The following C1orf159 variants were observed in gnomAD, a reference collection of about 807,000 sequenced individuals.
The protein encoded by C1orf159 is uncharacterized protein C1orf159.
C1orf159 carries 19 observed loss-of-function variants against 25.6 expected under a neutral mutation model. The observed-to-expected ratio is 0.74, with a 90% CI of 0.52 to 1.09. The LOEUF is 1.09. C1orf159 is among the 50% of genes least tolerant of loss of function. The pLI is 0.00. For missense variants in C1orf159, 274 were observed against 290.6 expected, an observed-to-expected ratio of 0.94 and a Z score of 0.42; for synonymous variants, 139 against 124.7, an observed-to-expected ratio of 1.12 and a Z score of -0.77.
At chr1:1,086,633 C>T (rs1645834367) in intron 6 of C1orf159, among the ~76,000 whole-genome samples, 1 of 152,244 alleles carries the variant, frequency 6.6e-6, no homozygotes, top group Non-Finnish European at 1.5e-5. Flanking sequence ...CCACAGGAGG[C>T]CAGGAGCCCA....
chr1:1,115,515 AC>A (rs1646324082), intron 1 of C1orf159, among the ~76,000 whole-genome samples: 1 of 38,622 alleles, frequency 2.6e-5, no homozygotes, highest in African/African-American at 1.1e-4. Context: ...TGCCCCGAGA[AC>A]CCCCTCCCCT....
intron 1 of C1orf159, among the ~76,000 whole-genome samples, chr1:1,095,336 G>T (rs1198476513): frequency 6.6e-6 from 1 of 152,120 alleles, no homozygotes. Context: ...TCATCCCTCC[G>T]CATCTTCTTC....
At chr1:1,114,724 A>G (rs551139374) in intron 1 of C1orf159, among the ~76,000 whole-genome samples, 119 of 152,304 alleles carry the variant, frequency 7.8e-4, no homozygotes, top group African/African-American at 2.7e-3. Context: ...AACCTGAGTA[A>G]TCAGGCGCAT....
intron 1 of C1orf159, among the ~76,000 whole-genome samples, chr1:1,112,113 A>G (rs1199641047): frequency 6.6e-6 from 1 of 152,200 alleles, no homozygotes; most frequent in Non-Finnish European, 1.5e-5. Flanking sequence ...TCAGGCCACC[A>G]TCAGGTGATG....
At chr1:1,104,088 C>G (rs183450609) in intron 1 of C1orf159, among the ~76,000 whole-genome samples, 195 of 152,178 alleles carry the variant, frequency 1.3e-3, no homozygotes, top group African/African-American at 4.5e-3. Context: ...CCCAGGCTCA[C>G]GCGATTCTCC....
rs893090250 is a variant in C1orf159 at position 1,085,950 on chromosome 1, G to A, written c.373C>T (p.Leu125Phe). Residue 125 changes from leucine (L) to phenylalanine (F), a missense_variant, in exon 7 of 10, where the codon CTC becomes TTC. Coordinates refer to ENST00000421241, the MANE Select transcript of C1orf159 (RefSeq NM_017891.5). ...AGGTAGAAGAACCCAGCTACGGAGA[G>A]GATGAGGCCGGAGCTAATGAAGAAC... ...GTFFISSGLI[L>F]SVAGFFYLKR... 10 of 1,613,374 alleles carry A rather than the reference G, an allele frequency of 6.2e-6. No individual in the cohort carries two copies. Among genetic ancestry groups the A allele is most frequent in the Non-Finnish European group, 7.6e-6 (9 of 1,179,828 alleles).
At chr1:1,090,521 A>G in intron 3 of C1orf159, 93 bp from the exon 4 acceptor site, 1 of 1,291,714 alleles carries the variant, frequency 7.7e-7, no homozygotes, top group Non-Finnish European at 1.1e-6. Context: ...GTGGGAGCAC[A>G]TCTCAATGTC....
chr1:1,083,205 T>G, intron 9 of C1orf159: 1 of 534,440 alleles, frequency 1.9e-6, no homozygotes, highest in Non-Finnish European at 3.3e-6. Context: ...CCCGGCTGTG[T>G]CCTCTCATTT....
Position 1,082,636 on chromosome 1 carries a change from G to T in C1orf159, c.*257C>A. The T allele has an allele frequency of 1.9e-6, 1 of 525,396 alleles. No homozygotes were observed. 32.5% of individuals were successfully genotyped at this position (525,396 alleles called of 1,614,324 possible). A position where few individuals can be genotyped will look rare whatever the true frequency, so the allele number is the denominator to read the frequency against. On this transcript the variant is annotated 3_prime_UTR_variant, in exon 10 of 10. Coordinates refer to ENST00000421241, the MANE Select transcript of C1orf159 (RefSeq NM_017891.5). ...CCTGGGGGGGCCCGGACCCCCCAAG[G>T]CCTCGATCTGAAGCTCTGAGGTCTC...
chr1:1,088,324 TCCCCCAGGACCC>T, intron 4 of C1orf159, among the ~76,000 whole-genome samples: 1 of 7,092 alleles, frequency 1.4e-4, no homozygotes, highest in African/African-American at 6.7e-4. Flanking sequence ...CCCCACGGCC[TCCCCCAGGACCC>T]CCCACGCCTC....
rs1048695721 is a variant in C1orf159, at chr1:1,084,511, G to T, written c.446-5C>A. The T allele has an allele frequency of 3.2e-6, 5 of 1,552,752 alleles. No individual in the cohort carries two copies. Among genetic ancestry groups the T allele is most frequent in the Non-Finnish European group, 4.4e-6 (5 of 1,148,482 alleles). On this transcript the variant is annotated splice_region_variant and splice_polypyrimidine_tract_variant and intron_variant, in intron 7 of 9. Coordinates refer to ENST00000421241, the MANE Select transcript of C1orf159 (RefSeq NM_017891.5). Reference sequence around the variant, plus strand: ...CGCCAGGCTGCAGGGCCGGAGCTGTGGGGGAGAAAGCGGAGAGTCACCCTG... The same window carrying T: ...CGCCAGGCTGCAGGGCCGGAGCTGTTGGGGAGAAAGCGGAGAGTCACCCTG...
chr1:1,104,303 T>C (rs1646141468), intron 1 of C1orf159, among the ~76,000 whole-genome samples: 1 of 152,210 alleles, frequency 6.6e-6, no homozygotes, highest in Non-Finnish European at 1.5e-5. Context: ...GTGGACTTTC[T>C]ATCAGTGCGT....
chr1:1,083,626 C>G (rs1645779878), intron 9 of C1orf159: 1 of 454,140 alleles, frequency 2.2e-6, no homozygotes, highest in Non-Finnish European at 3.9e-6. Context: ...CTTCTGAACT[C>G]TAGGATAGTC....
chr1:1,083,165 C>T (rs915032045), intron 9 of C1orf159, 178 bp from the exon 10 acceptor site: 3 of 558,478 alleles, frequency 5.4e-6, no homozygotes, highest in Non-Finnish European at 9.4e-6. Flanking sequence ...CCTCAGAGCT[C>T]CAGCTCGGGA....
In C1orf159 at chr1:1,082,838, G is replaced by A; in HGVS notation, c.*55C>T. 3 of 1,461,758 alleles carry A rather than the reference G, an allele frequency of 2.1e-6. No homozygotes were observed. The highest frequency in any genetic ancestry group is 2.8e-6 in the Non-Finnish European group (3 of 1,065,716). 90.5% of individuals were successfully genotyped at this position (1,461,758 alleles called of 1,614,324 possible). ...ACACTTTGTGCTGGTTCCCGCCAAG[G>A]GGTCGGCCTCCGGGTCCCTGCCGCC... On this transcript the variant is annotated 3_prime_UTR_variant, in exon 10 of 10. Coordinates refer to ENST00000421241, the MANE Select transcript of C1orf159 (RefSeq NM_017891.5).
intron 1 of C1orf159, among the ~76,000 whole-genome samples, chr1:1,114,490 G>A (rs1329792169): frequency 6.6e-6 from 1 of 152,216 alleles, no homozygotes; most frequent in African/African-American, 2.4e-5. Flanking sequence ...CAGCCGCAAG[G>A]CAGGGAGCAG....
In C1orf159 at chr1:1,091,874, G is replaced by A. The variant is rs111356799; in HGVS notation, c.-23+117C>T. ...AGTTAAATGGAGATGGGGCAGGGCC[G>A]TGGCAGGGGTGCAGGGCCACGACAG... On this transcript the variant is annotated intron_variant, in intron 2 of 9. Transcript: ENST00000421241. The A allele has an allele frequency of 1.0e-3, 489 of 473,742 alleles. 2 individuals are homozygous for A. Among genetic ancestry groups the A allele is most frequent in the African/African-American group, 8.9e-3 (455 of 51,354 alleles). 29.3% of individuals were successfully genotyped at this position (473,742 alleles called of 1,614,324 possible).
intron 1 of C1orf159, among the ~76,000 whole-genome samples, chr1:1,102,708 G>C (rs66622470): frequency 0.24 from 35,458 of 148,700 alleles, 5,688 homozygotes; most frequent in African/African-American, 0.46. Context: ...TGAGGCAGGA[G>C]AATCACTTGA....
rs967358761 is a variant in C1orf159, at chr1:1,084,566, A to G, written c.446-60T>C. 8 of 1,544,948 alleles carry G rather than the reference A, an allele frequency of 5.2e-6. No individual in the cohort carries two copies. The African/African-American group carries it at 1.1e-4, about 21-fold the overall frequency. On this transcript the variant is annotated intron_variant, in intron 7 of 9. Transcript: ENST00000421241. ...CCAGGAGCTGCCTCAACCTCAGCCC[A>G]GTGCAGCGTCCGGGACAGCAGAGCG...
Sources: allele counts gnomAD v4.1 joint callset (sites outside exome capture counted in the v4.1 genomes callset), GRCh38; gene constraint gnomAD v4.1.1; transcripts MANE v1.5; gene names NCBI Gene and HGNC (gene_info 2026-07-23, HGNC 2026-07-21).